PTPRD: variants seen among roughly 807,000 people sequenced by gnomAD.
PTPRD encodes the protein receptor-type tyrosine-protein phosphatase delta.
Under a neutral mutation model 214.5 loss-of-function variants are expected in PTPRD, and 34 were observed. The observed-to-expected ratio is 0.16, with a 90% CI of 0.12 to 0.21. The LOEUF is 0.21. Ranked by LOEUF, PTPRD falls within the 10% of genes least tolerant of loss-of-function variation. The probability of loss-of-function intolerance (pLI) is 1.00; values close to 1 mark genes in which losing one functional copy is unlikely to be tolerated. For missense variants in PTPRD, 2,545 were observed against 2,398.7 expected, an observed-to-expected ratio of 1.06 and a Z score of -1.27; for synonymous variants, 1,128 against 845.7, an observed-to-expected ratio of 1.33 and a Z score of -5.79.
At chr9:8,343,774 T>G (rs896330649) in intron 39 of PTPRD, among the ~76,000 whole-genome samples, 3 of 152,086 alleles carry the variant, frequency 2.0e-5, no homozygotes, top group Non-Finnish European at 4.4e-5. Flanking sequence ...ACACAAAGCA[T>G]GCAGTAAGTG....
At chr9:10,125,173 G>T (rs186755992) in intron 3 of PTPRD, among the ~76,000 whole-genome samples, 1 of 151,962 alleles carries the variant, frequency 6.6e-6, no homozygotes, top group African/African-American at 2.4e-5. Context: ...CAAACTTAAA[G>T]GTGGGAGCTC....
At chr9:9,314,990 T>C (rs1455335400) in intron 9 of PTPRD, among the ~76,000 whole-genome samples, 2 of 152,012 alleles carry the variant, frequency 1.3e-5, no homozygotes, top group African/African-American at 2.4e-5. Context: ...CAGCTTCTTA[T>C]ACAATCTCAT....
intron 7 of PTPRD, among the ~76,000 whole-genome samples, chr9:9,647,041 C>T (rs948369784): frequency 3.3e-5 from 5 of 152,138 alleles, no homozygotes; most frequent in African/African-American, 1.2e-4. Context: ...TAATTTCCAT[C>T]TCTTTGCCCA....
At chr9:9,573,535 A>G (rs1199419999) in intron 8 of PTPRD, among the ~76,000 whole-genome samples, 1 of 151,762 alleles carries the variant, frequency 6.6e-6, no homozygotes, top group African/African-American at 2.4e-5. Context: ...GATAATTAAA[A>G]CACTGGAGAT....
chr9:8,680,691 T>C (rs68063670), intron 12 of PTPRD, among the ~76,000 whole-genome samples: 3,408 of 148,856 alleles, frequency 0.023, 50 homozygotes, highest in African/African-American at 0.047. Flanking sequence ...TAAACACACA[T>C]ACACACATAA....
intron 2 of PTPRD, among the ~76,000 whole-genome samples, chr9:10,469,097 G>T (rs868804288): frequency 1.2e-4 from 18 of 152,062 alleles, no homozygotes; most frequent in South Asian, 4.1e-4. Flanking sequence ...TACTACTCAT[G>T]CCTTTATTCA....
intron 11 of PTPRD, among the ~76,000 whole-genome samples, chr9:8,948,293 C>T (rs2099078268): frequency 6.8e-6 from 1 of 147,276 alleles, no homozygotes; most frequent in Non-Finnish European, 1.5e-5. Flanking sequence ...GCTGGGATTA[C>T]CGGCGTGAGC....
chr9:9,157,449 G>C (rs573318654), intron 10 of PTPRD, among the ~76,000 whole-genome samples: 1 of 152,028 alleles, frequency 6.6e-6, no homozygotes, highest in Non-Finnish European at 1.5e-5. Context: ...CAACTGATAA[G>C]ACAGAAATTC....
At chr9:10,522,154 C>G (rs1230972669) in intron 2 of PTPRD, among the ~76,000 whole-genome samples, 2 of 152,144 alleles carry the variant, frequency 1.3e-5, no homozygotes, top group Non-Finnish European at 2.9e-5. Context: ...CCTGACTTAC[C>G]TCCTCCCAGT....
In PTPRD at chr9:10,189,173, T is replaced by C. The variant is rs145284402; in HGVS notation, c.-545+151790A>G. Among the ~76,000 whole-genome samples the C allele has an allele frequency of 1.2e-4, 19 of 152,286 alleles. No individual in the cohort carries two copies. In the East Asian group the frequency reaches 2.9e-3, roughly 23 times the overall value. ...GCTTTGGACTGGTCGCCCTGGAGTTTAGTGCTTCTTTCTTTGGAATCCTAA... is the reference window on the plus strand; with the variant it reads ...GCTTTGGACTGGTCGCCCTGGAGTTCAGTGCTTCTTTCTTTGGAATCCTAA... On this transcript the variant is annotated intron_variant, in intron 3 of 45. Coordinates refer to ENST00000381196, the MANE Select transcript of PTPRD (RefSeq NM_002839.4).
chr9:10,516,542 T>A (rs1226735630), intron 2 of PTPRD, among the ~76,000 whole-genome samples: 1 of 152,032 alleles, frequency 6.6e-6, no homozygotes, highest in Non-Finnish European at 1.5e-5. Flanking sequence ...CTCTGTTGAT[T>A]GCTCTCTTTG....
intron 3 of PTPRD, among the ~76,000 whole-genome samples, chr9:10,084,668 T>A (rs13297542): frequency 0.025 from 3,776 of 151,526 alleles, 95 homozygotes; most frequent in African/African-American, 0.067. Flanking sequence ...TAAATAATAT[T>A]TTTTTTTAGG....
intron 11 of PTPRD, among the ~76,000 whole-genome samples, chr9:8,809,602 G>A (rs1022668853): frequency 4.6e-5 from 7 of 152,092 alleles, no homozygotes; most frequent in African/African-American, 1.7e-4. Context: ...AATAGATGTT[G>A]CCCTCTGCAA....
At chr9:9,003,975 G>A (rs758998149) in intron 11 of PTPRD, among the ~76,000 whole-genome samples, 1 of 151,980 alleles carries the variant, frequency 6.6e-6, no homozygotes, top group African/African-American at 2.4e-5. Context: ...CTCAATCTCT[G>A]GACTAGGTCT....
chr9:9,729,812 C>T (rs1291547777), intron 7 of PTPRD, among the ~76,000 whole-genome samples: 2 of 151,868 alleles, frequency 1.3e-5, no homozygotes, highest in Non-Finnish European at 2.9e-5. Flanking sequence ...TGATTCCTTC[C>T]TTTGGTCAGG....
chr9:8,617,421 G>A (rs1335666225), intron 14 of PTPRD, among the ~76,000 whole-genome samples: 1 of 152,190 alleles, frequency 6.6e-6, no homozygotes, highest in Admixed American at 6.6e-5. Context: ...AAGTGGATGT[G>A]CAAAACCTGA....
At chr9:9,580,474 T>G (rs1223740900) in intron 7 of PTPRD, among the ~76,000 whole-genome samples, 1 of 152,106 alleles carries the variant, frequency 6.6e-6, no homozygotes, top group Non-Finnish European at 1.5e-5. Flanking sequence ...TGAGCATTTT[T>G]GATGCGCTTG....
At chr9:8,405,800 G>A (rs1261954610) in intron 35 of PTPRD, among the ~76,000 whole-genome samples, 2 of 152,000 alleles carry the variant, frequency 1.3e-5, no homozygotes, top group Non-Finnish European at 2.9e-5. Flanking sequence ...TATTTTTGAT[G>A]CCGGGTATTT....
intron 36 of PTPRD, among the ~76,000 whole-genome samples, chr9:8,402,666 G>T (rs1018152965): frequency 6.9e-6 from 1 of 145,694 alleles, no homozygotes; most frequent in Non-Finnish European, 1.5e-5. Flanking sequence ...TTATGGAGAT[G>T]ATTTAAGAGA....
Sources: allele counts gnomAD v4.1 joint callset (sites outside exome capture counted in the v4.1 genomes callset), GRCh38; gene constraint gnomAD v4.1.1; transcripts MANE v1.5; gene names NCBI Gene and HGNC (gene_info 2026-07-23, HGNC 2026-07-21).